LHFPL2: variants seen among roughly 807,000 people sequenced by gnomAD.
LHFPL2 encodes LHFPL tetraspan subfamily member 2 protein.
Under a neutral mutation model 17.5 loss-of-function variants are expected in LHFPL2, and 7 were observed. The observed-to-expected ratio is 0.40, with a 90% CI of 0.23 to 0.75. The LOEUF (loss-of-function observed/expected upper bound fraction) is 0.75. Ranked by LOEUF, LHFPL2 falls within the 30% of genes least tolerant of loss-of-function variation. The probability of loss-of-function intolerance (pLI) is 0.37; values close to 1 mark genes in which losing one functional copy is unlikely to be tolerated. For synonymous variants in LHFPL2, 134 were observed against 116.2 expected (o/e 1.15, Z -0.99); for missense variants, 241 against 294.8 (o/e 0.82, Z 1.34).
chr5:78,485,279 T>C lies in LHFPL2; in HGVS notation c.*3618A>G, dbSNP rs772127915. On this transcript the variant is annotated 3_prime_UTR_variant, in exon 5 of 5. Transcript: ENST00000380345. ...AAGATCTGGGGAGGGGAGCACATAG[T>C]GAAAATACATATGCACAGGAACCAA... 6 of 152,606 alleles carry C rather than the reference T, an allele frequency of 3.9e-5. No individual in the cohort carries two copies. The highest frequency in any genetic ancestry group is 6.5e-5 in the Admixed American group (1 of 15,278). The allele number at this position is 152,606 out of a possible 1,614,324, so 9.5% of individuals were successfully genotyped here.
At chr5:78,602,686 G>A (rs1744062117) in intron 2 of LHFPL2, among the ~76,000 whole-genome samples, 1 of 152,152 alleles carries the variant, frequency 6.6e-6, no homozygotes, top group South Asian at 2.1e-4. Flanking sequence ...GACACCTAGA[G>A]CCCAAGGCCT....
chr5:78,489,163 A>G lies in LHFPL2; in HGVS notation c.431-10T>C. 1 of 1,613,598 alleles carries G rather than the reference A, an allele frequency of 6.2e-7. No individual in the cohort carries two copies. The highest frequency in any genetic ancestry group is 8.5e-7 in the Non-Finnish European group (1 of 1,179,606). ...AGGATAAGGAATAGACCTGCAGAACAAAAGAGAAAACAGATTAGAAAATCC... is the reference window on the plus strand; with the variant it reads ...AGGATAAGGAATAGACCTGCAGAACGAAAGAGAAAACAGATTAGAAAATCC... On this transcript the variant is annotated splice_polypyrimidine_tract_variant and intron_variant, in intron 4 of 4. Coordinates refer to ENST00000380345, the MANE Select transcript of LHFPL2 (RefSeq NM_005779.3).
intron 2 of LHFPL2, among the ~76,000 whole-genome samples, chr5:78,573,124 GA>G (rs1445590900): frequency 6.6e-6 from 1 of 152,100 alleles, no homozygotes; most frequent in African/African-American, 2.4e-5. Flanking sequence ...GTGGGGAAGA[GA>G]AAACAGGCAG....
intron 2 of LHFPL2, chr5:78,625,492 G>C (rs1745002955): frequency 6.6e-6 from 1 of 152,194 alleles, no homozygotes; most frequent in Non-Finnish European, 1.5e-5. Context: ...TGGCAGTCCT[G>C]CCTCCTACCC....
At chr5:78,591,272 T>A (rs533382181) in intron 2 of LHFPL2, among the ~76,000 whole-genome samples, 39 of 152,274 alleles carry the variant, frequency 2.6e-4, no homozygotes, top group African/African-American at 8.4e-4. Context: ...AAACAACAAA[T>A]GAAATTCAAA....
chr5:78,549,136 G>C (rs1756367569), intron 3 of LHFPL2: 4 of 152,218 alleles, frequency 2.6e-5, no homozygotes, highest in African/African-American at 7.2e-5. Flanking sequence ...GGCCCACAAA[G>C]GCTTCCTTCA....
intron 3 of LHFPL2, among the ~76,000 whole-genome samples, chr5:78,524,239 G>A (rs1345820568): frequency 6.6e-6 from 1 of 152,198 alleles, no homozygotes. Context: ...CCCTTGGGCT[G>A]CTCAGTGAGG....
chr5:78,617,411 ATTAT>A (rs1010890781), intron 2 of LHFPL2, among the ~76,000 whole-genome samples: 1 of 152,102 alleles, frequency 6.6e-6, no homozygotes, highest in African/African-American at 2.4e-5. Context: ...AGTTTGAATA[ATTAT>A]TTATTTTTCC....
chr5:78,578,239 C>T (rs1355216541), intron 2 of LHFPL2, among the ~76,000 whole-genome samples: 2 of 152,162 alleles, frequency 1.3e-5, no homozygotes, highest in African/African-American at 2.4e-5. Context: ...AGCACATTAT[C>T]TTTTTGACAA....
chr5:78,564,068 G>A (rs908434362), intron 3 of LHFPL2, among the ~76,000 whole-genome samples: 16 of 152,124 alleles, frequency 1.1e-4, no homozygotes, highest in African/African-American at 3.6e-4. Context: ...CCTGGAAAGG[G>A]TGTCAGTCAG....
intron 2 of LHFPL2, among the ~76,000 whole-genome samples, chr5:78,601,077 G>A (rs1743995452): frequency 1.3e-5 from 2 of 152,260 alleles, no homozygotes; most frequent in Non-Finnish European, 2.9e-5. Context: ...AGGCCCTGGG[G>A]GTACTCAAGT....
At chr5:78,511,044 A>G (rs1755105047) in intron 3 of LHFPL2, among the ~76,000 whole-genome samples, 1 of 152,054 alleles carries the variant, frequency 6.6e-6, no homozygotes, top group African/African-American at 2.4e-5. Flanking sequence ...CCTATACTTT[A>G]TCCATTTTTC....
At chr5:78,613,224 T>C (rs1238662663) in intron 2 of LHFPL2, among the ~76,000 whole-genome samples, 1 of 152,220 alleles carries the variant, frequency 6.6e-6, no homozygotes, top group Non-Finnish European at 1.5e-5. Context: ...GGTAAGTTTC[T>C]TGGATGAGAA....
At chr5:78,506,706 TCC>T (rs764463288) in intron 4 of LHFPL2, among the ~76,000 whole-genome samples, 4 of 152,158 alleles carry the variant, frequency 2.6e-5, no homozygotes, top group Non-Finnish European at 5.9e-5. Flanking sequence ...GATAGCTCAG[TCC>T]CTCTTTTTTA....
chr5:78,497,630 A>G (rs773648086), intron 4 of LHFPL2, among the ~76,000 whole-genome samples: 15 of 152,228 alleles, frequency 9.9e-5, no homozygotes, highest in Non-Finnish European at 2.1e-4. Context: ...TGATTATATT[A>G]CATTTTTAAA....
chr5:78,534,676 G>C (rs1755890939), intron 3 of LHFPL2, among the ~76,000 whole-genome samples: 1 of 152,220 alleles, frequency 6.6e-6, no homozygotes. Context: ...AATGGCTTTA[G>C]CTTTGGCTTC....
chr5:78,645,590 A>G (rs987717563), intron 1 of LHFPL2, among the ~76,000 whole-genome samples: 15 of 126,264 alleles, frequency 1.2e-4, no homozygotes, highest in African/African-American at 4.6e-4. Flanking sequence ...ACACACACAC[A>G]CATTTTTTTT....
intron 1 of LHFPL2, among the ~76,000 whole-genome samples, chr5:78,647,484 C>A (rs544626936): frequency 6.6e-6 from 1 of 152,318 alleles, no homozygotes; most frequent in East Asian, 1.9e-4. Context: ...GGAATCTTTC[C>A]TCCCTCGGCT....
chr5:78,605,556 G>A (rs1744184814), intron 2 of LHFPL2, among the ~76,000 whole-genome samples: 1 of 152,136 alleles, frequency 6.6e-6, no homozygotes, highest in Admixed American at 6.5e-5. Flanking sequence ...CCTTGAACTG[G>A]ATAGAATGTA....
Sources: gnomAD v4.1 joint callset for allele counts (sites outside exome capture counted in the v4.1 genomes callset) on GRCh38, gnomAD v4.1.1 for gene constraint, MANE v1.5 for transcripts, NCBI Gene and HGNC (gene_info 2026-07-23, HGNC 2026-07-21) for gene names.